FMN1: variants seen among roughly 807,000 people sequenced by gnomAD.
FMN1 encodes formin 1, also known as formin-1.
In FMN1, 110 loss-of-function variants were observed where a neutral mutation model predicts 132.4. The observed-to-expected ratio is 0.83, with a 90% CI of 0.71 to 0.97. The LOEUF is 0.97. FMN1 is among the 50% of genes least tolerant of loss of function. The pLI is 0.00. For synonymous variants in FMN1, 722 were observed against 651.7 expected, an observed-to-expected ratio of 1.11 and a Z score of -1.64; for missense variants, 1,792 against 1,705.3, an observed-to-expected ratio of 1.05 and a Z score of -0.90.
intron 5 of FMN1, chr15:33,066,698 T>C (rs774240253): frequency 1.7e-5 from 27 of 1,613,710 alleles, no homozygotes; most frequent in Non-Finnish European, 2.3e-5. Context: ...CTCTGGCGAC[T>C]TTGGCTTGAC....
chr15:32,804,263 C>T lies in FMN1; in HGVS notation c.3980+18G>A. On this transcript the variant is annotated intron_variant, in intron 18 of 20. Coordinates refer to ENST00000616417, the MANE Select transcript of FMN1 (RefSeq NM_001277313.2). The stretch of plus-strand genomic sequence containing the variant: ...GGCTAGTCAAAGAAAGAACTGGGGC[C>T]AAATCAGAGCTGCTTACCTTTTCTG... 1 of 1,551,010 alleles carries T rather than the reference C, an allele frequency of 6.4e-7. No homozygotes were observed. Among genetic ancestry groups the T allele is most frequent in the Non-Finnish European group, 8.7e-7 (1 of 1,143,304 alleles).
chr15:33,018,791 G>A (rs1458740064), intron 6 of FMN1, among the ~76,000 whole-genome samples: 2 of 152,156 alleles, frequency 1.3e-5, no homozygotes, highest in Non-Finnish European at 2.9e-5. Context: ...CTTCTGGTGG[G>A]CTGGTGGTCT....
At chr15:33,020,185 A>G (rs750185684) in intron 6 of FMN1, among the ~76,000 whole-genome samples, 1 of 152,190 alleles carries the variant, frequency 6.6e-6, no homozygotes, top group Non-Finnish European at 1.5e-5. Flanking sequence ...CTGGCATCCG[A>G]AAGGGGGGCA....
intron 19 of FMN1, among the ~76,000 whole-genome samples, chr15:32,798,281 C>T (rs888519851): frequency 4.6e-5 from 7 of 151,726 alleles, no homozygotes; most frequent in Non-Finnish European, 7.4e-5. Context: ...GGGGCTGCAA[C>T]GAGGCTGAGC....
intron 5 of FMN1, among the ~76,000 whole-genome samples, chr15:33,076,652 T>C (rs920059550): frequency 1.3e-5 from 2 of 152,214 alleles, no homozygotes; most frequent in Admixed American, 1.3e-4. Context: ...AAGATGTCAT[T>C]AATTGCATTT....
At chr15:33,017,555 T>G (rs903794907) in intron 6 of FMN1, among the ~76,000 whole-genome samples, 1 of 152,212 alleles carries the variant, frequency 6.6e-6, no homozygotes, top group African/African-American at 2.4e-5. Context: ...GAAAGGAGCC[T>G]AATTTCTATA....
chr15:33,143,978 G>A (rs2444975), intron 4 of FMN1, among the ~76,000 whole-genome samples: 70,919 of 151,994 alleles, frequency 0.47, 16,842 homozygotes, highest in East Asian at 0.68. Context: ...CGCCTTGATA[G>A]AAATATGATA....
At chr15:32,871,234 G>A (rs2059508597) in intron 16 of FMN1, among the ~76,000 whole-genome samples, 5 of 152,072 alleles carry the variant, frequency 3.3e-5, no homozygotes, top group South Asian at 4.1e-4. Context: ...AAAACAAATC[G>A]GTCATGACAC....
Position 33,057,671 on chromosome 15 carries a change from G to A in FMN1, c.2161+7286C>T, listed in dbSNP as rs141394524. 1.5e-3 allele frequency among the ~76,000 whole-genome samples: 224 copies of A among 152,094 alleles called. 1 individual carries two copies. Among genetic ancestry groups the A allele is most frequent in the East Asian group, 6.0e-3 (31 of 5,170 alleles). On this transcript the variant is annotated intron_variant, in intron 6 of 20. Coordinates refer to ENST00000616417, the MANE Select transcript of FMN1 (RefSeq NM_001277313.2). ...TTAATTATTTCTTCAGGACTTTCCCGGTCCTACTTTCCTTTCCCTCTGAAA... is the reference window on the plus strand; with the variant it reads ...TTAATTATTTCTTCAGGACTTTCCCAGTCCTACTTTCCTTTCCCTCTGAAA...
At chr15:32,853,839 G>A (rs2059064841) in intron 17 of FMN1, among the ~76,000 whole-genome samples, 1 of 152,226 alleles carries the variant, frequency 6.6e-6, no homozygotes, top group African/African-American at 2.4e-5. Flanking sequence ...AGAGTGGGCA[G>A]GGGGCTAGCT....
chr15:33,072,902 A>T (rs1381433066), intron 5 of FMN1, among the ~76,000 whole-genome samples: 3 of 150,896 alleles, frequency 2.0e-5, no homozygotes, highest in Non-Finnish European at 3.0e-5. Context: ...CAGCCTGGGC[A>T]ACAGAACAAG....
rs140399950 is a variant in FMN1 at position 32,891,287 on chromosome 15, G to A, written c.3715-2995C>T. Among the ~76,000 whole-genome samples, 328 of 152,238 alleles carry A rather than the reference G, an allele frequency of 2.2e-3. 2 individuals are homozygous for A. The highest frequency in any genetic ancestry group is 7.6e-3 in the African/African-American group (317 of 41,534). ...TCTTGAGACGGAGTCTCGCTCTGTC[G>A]CCCAGGCTGGAGTGCAGTGATGCGA... On this transcript the variant is annotated intron_variant, in intron 15 of 20. Coordinates refer to ENST00000616417, the MANE Select transcript of FMN1 (RefSeq NM_001277313.2).
chr15:32,832,519 C>T (rs2058525741), intron 17 of FMN1, among the ~76,000 whole-genome samples: 1 of 152,108 alleles, frequency 6.6e-6, no homozygotes, highest in African/African-American at 2.4e-5. Flanking sequence ...GTGGCTCACA[C>T]CTGTAATCCC....
intron 16 of FMN1, among the ~76,000 whole-genome samples, chr15:32,885,738 A>C (rs982024720): frequency 2.0e-5 from 3 of 152,196 alleles, no homozygotes; most frequent in African/African-American, 7.2e-5. Context: ...CTTCTACTTA[A>C]ATCAGTGACA....
intron 3 of FMN1, among the ~76,000 whole-genome samples, chr15:33,179,936 A>G (rs1433607905): frequency 3.9e-5 from 6 of 152,192 alleles, no homozygotes; most frequent in African/African-American, 9.7e-5. Context: ...GAAGCCTTAG[A>G]TAAGTAAGGA....
At chr15:32,841,127 G>T (rs1472767127) in intron 17 of FMN1, among the ~76,000 whole-genome samples, 3 of 152,152 alleles carry the variant, frequency 2.0e-5, no homozygotes, top group East Asian at 3.9e-4. Context: ...ACAGCTCATT[G>T]ATCTTGGGTT....
chr15:33,050,952 C>T (rs995439741), intron 6 of FMN1, among the ~76,000 whole-genome samples: 1 of 152,148 alleles, frequency 6.6e-6, no homozygotes, highest in East Asian at 1.9e-4. Flanking sequence ...AGCAGCTCAT[C>T]TTAGAACAGA....
chr15:32,918,331 G>A (rs1035045765), intron 10 of FMN1, among the ~76,000 whole-genome samples: 3 of 152,064 alleles, frequency 2.0e-5, no homozygotes. Context: ...AGAGACTATA[G>A]TATAGTTTAT....
intron 4 of FMN1, among the ~76,000 whole-genome samples, chr15:33,118,611 A>C (rs1459072821): frequency 6.6e-6 from 1 of 152,200 alleles, no homozygotes; most frequent in Non-Finnish European, 1.5e-5. Context: ...TGTAGGAAAC[A>C]AGAAATCAGA....
Sources: allele counts gnomAD v4.1 joint callset (sites outside exome capture counted in the v4.1 genomes callset), GRCh38; gene constraint gnomAD v4.1.1; transcripts MANE v1.5; gene names NCBI Gene and HGNC (gene_info 2026-07-23, HGNC 2026-07-21).